The following CACHD1 variants were observed in gnomAD, a reference collection of about 807,000 sequenced individuals.
The protein encoded by CACHD1 is cache domain containing 1.
Under a neutral mutation model 138.7 loss-of-function variants are expected in CACHD1, and 71 were observed. The ratio of observed to expected loss-of-function variants is 0.51; its 90% confidence interval spans 0.42 to 0.62. CACHD1 has a LOEUF of 0.62. Among genes scored for constraint, CACHD1 ranks in the 20% least tolerant of loss-of-function variants. CACHD1 has a pLI of 0.00. For synonymous variants in CACHD1, 578 were observed against 591.5 expected, an observed-to-expected ratio of 0.98 and a Z score of 0.33; for missense variants, 1,389 against 1,625.3, an observed-to-expected ratio of 0.85 and a Z score of 2.50.
At chr1:64,558,373 C>T (rs1411636503) in intron 2 of CACHD1, among the ~76,000 whole-genome samples, 1 of 152,226 alleles carries the variant, frequency 6.6e-6, no homozygotes, top group Non-Finnish European at 1.5e-5. Context: ...AGTCTGTTCT[C>T]CCATGTCACC....
In CACHD1 at chr1:64,691,722, G is replaced by A. The variant is rs1207687953; in HGVS notation, c.*161G>A. 1.1e-5 allele frequency: 7 copies of A among 630,706 alleles called. No homozygotes were observed. The highest frequency in any genetic ancestry group is 1.9e-5 in the Non-Finnish European group (7 of 362,588). The allele number at this position is 630,706 out of a possible 1,614,324, so 39.1% of individuals were successfully genotyped here. On this transcript the variant is annotated 3_prime_UTR_variant, in exon 27 of 27. Coordinates refer to ENST00000651257, the MANE Select transcript of CACHD1 (RefSeq NM_020925.4). Reference sequence around the variant, plus strand: ...CCTGCCTGTCGACATGGTTAAAAACGAGAGAAACAACAACACAGTCACATT... The same window carrying A: ...CCTGCCTGTCGACATGGTTAAAAACAAGAGAAACAACAACACAGTCACATT...
chr1:64,498,009 C>A (rs1307358307), intron 1 of CACHD1, among the ~76,000 whole-genome samples: 1 of 152,138 alleles, frequency 6.6e-6, no homozygotes, highest in Admixed American at 6.5e-5. Context: ...TGCCTGTAAT[C>A]CCAGCTACTC....
At chr1:64,646,647 G>A (rs756392393) in intron 8 of CACHD1, among the ~76,000 whole-genome samples, 1 of 152,082 alleles carries the variant, frequency 6.6e-6, no homozygotes, top group Admixed American at 6.6e-5. Context: ...CATGAGAATC[G>A]CTTGAACCCA....
In CACHD1 at chr1:64,538,064, C is replaced by T. The variant is rs1646647478; in HGVS notation, c.199-12530C>T. 3.3e-5 allele frequency among the ~76,000 whole-genome samples: 5 copies of T among 152,156 alleles called. No homozygotes were observed. The South Asian group carries it at 1.0e-3, about 32-fold the overall frequency. ...TAATAATTATTGTTGAGAGTCATGG[C>T]ATGTGGTGCTGCAGCCTTTACAGGC... On this transcript the variant is annotated intron_variant, in intron 1 of 26. Transcript: ENST00000651257.
intron 1 of CACHD1, among the ~76,000 whole-genome samples, chr1:64,525,374 C>A (rs1055623236): frequency 6.6e-6 from 1 of 152,102 alleles, no homozygotes; most frequent in African/African-American, 2.4e-5. Context: ...GATATTTACC[C>A]GATTTGAAAA....
chr1:64,498,856 G>A (rs1646321798), intron 1 of CACHD1, among the ~76,000 whole-genome samples: 1 of 152,210 alleles, frequency 6.6e-6, no homozygotes, highest in Non-Finnish European at 1.5e-5. Context: ...CAGAAAGAAA[G>A]TGCAATAATC....
chr1:64,687,394 T>C (rs991423987), intron 26 of CACHD1, among the ~76,000 whole-genome samples: 1 of 152,226 alleles, frequency 6.6e-6, no homozygotes, highest in African/African-American at 2.4e-5. Flanking sequence ...AAGAGGAAGT[T>C]ACAGAGGAGT....
At chr1:64,644,530 C>G (rs1248409851) in intron 8 of CACHD1, among the ~76,000 whole-genome samples, 2 of 152,180 alleles carry the variant, frequency 1.3e-5, no homozygotes, top group Non-Finnish European at 2.9e-5. Context: ...CTTCACTGGT[C>G]CTAAATTCTT....
intron 4 of CACHD1, among the ~76,000 whole-genome samples, chr1:64,613,824 T>G (rs1647612629): frequency 6.6e-6 from 1 of 152,188 alleles, no homozygotes; most frequent in Non-Finnish European, 1.5e-5. Context: ...ATGTTCTAAG[T>G]TTAGCCAGCT....
intron 2 of CACHD1, among the ~76,000 whole-genome samples, chr1:64,553,213 A>G (rs1646772984): frequency 6.6e-6 from 1 of 152,238 alleles, no homozygotes; most frequent in Non-Finnish European, 1.5e-5. Context: ...GCATTTATTG[A>G]AAAATTTGCT....
intron 7 of CACHD1, among the ~76,000 whole-genome samples, chr1:64,641,565 T>A (rs910609587): frequency 4.6e-5 from 7 of 152,176 alleles, no homozygotes; most frequent in African/African-American, 1.7e-4. Context: ...AATCGCCTCC[T>A]TTCATCTGAT....
At chr1:64,486,827 T>C (rs1557458880) in intron 1 of CACHD1, among the ~76,000 whole-genome samples, 1 of 152,210 alleles carries the variant, frequency 6.6e-6, no homozygotes, top group Admixed American at 6.5e-5. Flanking sequence ...AAGAGGGAGA[T>C]AAATATTTAA....
At chr1:64,618,857 G>A (rs973955003) in intron 4 of CACHD1, among the ~76,000 whole-genome samples, 4 of 152,118 alleles carry the variant, frequency 2.6e-5, no homozygotes, top group East Asian at 1.9e-4. Context: ...TTTGGCAAGC[G>A]CGGGAGGTGG....
In CACHD1 at chr1:64,691,648, A is replaced by C. The variant is rs2100757522; in HGVS notation, c.*87A>C. ...AAGAACCGGCTTAAAACCCACAGCA[A>C]GAGACCTCCCTTGTGTTTGTGCTTT... is the stretch of plus-strand genomic sequence containing the variant. On this transcript the variant is annotated 3_prime_UTR_variant, in exon 27 of 27. Coordinates refer to ENST00000651257, the MANE Select transcript of CACHD1 (RefSeq NM_020925.4). 8.4e-7 allele frequency: 1 copy of C among 1,188,324 alleles called. No homozygotes were observed. Among genetic ancestry groups the C allele is most frequent in the East Asian group, 2.4e-5 (1 of 41,128 alleles). The allele number at this position is 1,188,324 out of a possible 1,614,324, so 73.6% of individuals were successfully genotyped here.
intron 18 of CACHD1, 38 bp downstream of exon 18, chr1:64,673,295 C>T (rs750220037): frequency 1.2e-6 from 2 of 1,611,482 alleles, no homozygotes; most frequent in Admixed American, 1.7e-5. Context: ...GTTCTCCAAC[C>T]TCCTGCAGCT....
At chr1:64,626,154 G>A (rs780884045) in intron 4 of CACHD1, among the ~76,000 whole-genome samples, 2 of 152,186 alleles carry the variant, frequency 1.3e-5, no homozygotes, top group Admixed American at 1.3e-4. Context: ...CTAAAATGAG[G>A]TTTATTGACC....
chr1:64,672,094 C>G (rs887851160), intron 17 of CACHD1, among the ~76,000 whole-genome samples: 1 of 152,136 alleles, frequency 6.6e-6, no homozygotes, highest in African/African-American at 2.4e-5. Flanking sequence ...TTTTACATTT[C>G]CCCAGAAAGA....
chr1:64,556,606 G>T (rs1193631500), intron 2 of CACHD1, among the ~76,000 whole-genome samples: 1 of 152,146 alleles, frequency 6.6e-6, no homozygotes. Flanking sequence ...CTGGTTAGGG[G>T]AGCAAAGGAA....
intron 4 of CACHD1, among the ~76,000 whole-genome samples, chr1:64,606,583 C>T (rs1263176281): frequency 6.6e-6 from 1 of 152,112 alleles, no homozygotes; most frequent in East Asian, 1.9e-4. Flanking sequence ...GGGGTAGTTA[C>T]ATAGAGAAGT....
Sources: gnomAD v4.1 joint callset for allele counts (sites outside exome capture counted in the v4.1 genomes callset) on GRCh38, gnomAD v4.1.1 for gene constraint, MANE v1.5 for transcripts, NCBI Gene and HGNC (gene_info 2026-07-23, HGNC 2026-07-21) for gene names.